The following AKR1B10 variants were observed in gnomAD, a reference collection of about 807,000 sequenced individuals.
AKR1B10 encodes ARP.
AKR1B10 carries 39 observed loss-of-function variants against 38.9 expected under a neutral mutation model. The observed-to-expected ratio is 1.00, with a 90% CI of 0.78 to 1.31. AKR1B10 has a LOEUF of 1.31. Ranked by LOEUF, AKR1B10 falls within the 50% of genes most tolerant of loss-of-function variation. AKR1B10 has a pLI of 0.00. For synonymous variants in AKR1B10, 148 were observed against 141.2 expected, an observed-to-expected ratio of 1.05 and a Z score of -0.34; for missense variants, 361 against 382.6, an observed-to-expected ratio of 0.94 and a Z score of 0.47.
intron 1 of AKR1B10, 115 bp from the exon 2 acceptor site, chr7:134,530,528 C>T (rs986999086): frequency 2.4e-5 from 27 of 1,106,960 alleles, no homozygotes; most frequent in Admixed American, 2.2e-4. Flanking sequence ...TCCAGCTACT[C>T]GGGAGGTGGG....
At chr7:134,535,564 T>A (rs1695723210) in intron 4 of AKR1B10, 2 of 972,006 alleles carry the variant, frequency 2.1e-6, no homozygotes, top group Non-Finnish European at 2.4e-6. Context: ...CATATGCTCA[T>A]GTTTTTTCCC....
intron 6 of AKR1B10, 46 bp downstream of exon 6, chr7:134,537,203 C>T (rs925103837): frequency 6.5e-7 from 1 of 1,549,450 alleles, no homozygotes; most frequent in African/African-American, 1.4e-5. Context: ...ATCTTAAAAA[C>T]ATTATTTTAT....
At chr7:134,528,263 C>T (rs1269466134) in intron 1 of AKR1B10, among the ~76,000 whole-genome samples, 1 of 152,190 alleles carries the variant, frequency 6.6e-6, no homozygotes, top group East Asian at 1.9e-4. Context: ...CTCTCTGGTT[C>T]TAGGACACTT....
At chr7:134,529,109 TCTCTC>T (rs1199081536) in intron 1 of AKR1B10, among the ~76,000 whole-genome samples, 3 of 152,258 alleles carry the variant, frequency 2.0e-5, no homozygotes, top group South Asian at 4.1e-4. Context: ...GAGTTCCTCT[TCTCTC>T]CTGTCCCTCA....
chr7:134,539,146 A>C, intron 9 of AKR1B10, 129 bp downstream of exon 9: 3 of 1,123,658 alleles, frequency 2.7e-6, no homozygotes, highest in Non-Finnish European at 3.9e-6. Context: ...GCAATTTTGA[A>C]AGTTAAAATT....
At position 134,536,750 on chromosome 7, in the gene AKR1B10, A is replaced by G. The variant is rs755403083; in HGVS notation, c.530A>G (p.Lys177Arg). Reference protein sequence around the residue: ...IEKLLNKPGLKYKPVTNQVEC... With the variant: ...IEKLLNKPGLRYKPVTNQVEC... ...AAGCTCTTGAACAAACCTGGACTGA[A>G]ATATAAACCAGTGACTAACCAGGTA... Residue 177 changes from lysine (K) to arginine (R), a missense_variant, in exon 5 of 10, where the codon AAA becomes AGA. Physicochemically the swap from Lys to Arg is conservative, Grantham distance 26 (BLOSUM62 2). Around this residue, in one of 3 missense-constraint regions of AKR1B10, gnomAD observed 220 missense variants for 216.1 expected, o/e 1.02. Transcript: ENST00000359579. 2.5e-6 allele frequency: 4 copies of G among 1,613,888 alleles called. No homozygotes were observed. The highest frequency in any genetic ancestry group is 3.4e-6 in the Non-Finnish European group (4 of 1,179,818).
rs377738905 is a variant in AKR1B10 at position 134,527,641 on chromosome 7, G to A, written c.-271G>A. 38 of 264,856 alleles carry A rather than the reference G, an allele frequency of 1.4e-4. No homozygotes were observed. The highest frequency in any genetic ancestry group is 1.3e-3 in the Admixed American group (31 of 23,770). 16.4% of individuals were successfully genotyped at this position (264,856 alleles called of 1,614,324 possible). On this transcript the variant is annotated 5_prime_UTR_variant, in exon 1 of 10. Coordinates refer to ENST00000359579, the MANE Select transcript of AKR1B10 (RefSeq NM_020299.5). ...AGCACTTTGGAAGGCCGAGGTGGGCGGATCACCTGAGCTCAGGAGTTTGAG... is the reference window on the plus strand; with the variant it reads ...AGCACTTTGGAAGGCCGAGGTGGGCAGATCACCTGAGCTCAGGAGTTTGAG...
intron 1 of AKR1B10, among the ~76,000 whole-genome samples, chr7:134,530,188 G>C (rs946700835): frequency 1.3e-5 from 2 of 152,104 alleles, no homozygotes; most frequent in Admixed American, 1.3e-4. Flanking sequence ...AATCCCTTGG[G>C]GTTATTTAGA....
In AKR1B10 at chr7:134,527,941, A is replaced by T; in HGVS notation, c.30A>T (p.Lys10Asn). 19 of 1,613,882 alleles carry T rather than the reference A, an allele frequency of 1.2e-5. No homozygotes were observed. Among genetic ancestry groups the T allele is most frequent in the Non-Finnish European group, 1.6e-5 (19 of 1,179,932 alleles). The change falls in exon 1 of 10, where the codon AAA becomes AAT. Residue 10 changes from lysine to asparagine, a missense_variant. Physicochemically the swap from Lys to Asn is moderately conservative, Grantham distance 94 (BLOSUM62 0). Coordinates refer to ENST00000359579, the MANE Select transcript of AKR1B10 (RefSeq NM_020299.5). The part of the protein sequence containing the change: MATFVELST[K>N]AKMPIVGLGT... Reference sequence around the variant, plus strand: ...CCACGTTTGTGGAGCTCAGTACCAAAGCCAAGATGCCCATTGTGGGCCTGG... The same window carrying T: ...CCACGTTTGTGGAGCTCAGTACCAATGCCAAGATGCCCATTGTGGGCCTGG...
At position 134,538,193 on chromosome 7, in the gene AKR1B10, G is replaced by T; in HGVS notation, c.742-1G>T. The T allele has an allele frequency of 6.2e-7, 1 of 1,613,986 alleles. No homozygotes were observed. The highest frequency in any genetic ancestry group is 8.5e-7 in the Non-Finnish European group (1 of 1,179,878). ...AAGCCTGATGTCCCCTTTCCGCATA[G>T]GTTCTGATCCGTTTCCATATCCAGA... On this transcript the variant is annotated splice_acceptor_variant, in intron 7 of 9. Transcript: ENST00000359579. LOFTEE classifies it high-confidence loss of function.
At chr7:134,536,793 G>A (rs369172129) in intron 5 of AKR1B10, 21 bp downstream of exon 5, 3 of 1,613,670 alleles carry the variant, frequency 1.9e-6, no homozygotes, top group South Asian at 1.1e-5. Context: ...TTCAGTTTAA[G>A]GGTAAGGGTC....
chr7:134,538,329 G>A (rs763040188), intron 8 of AKR1B10, 52 bp downstream of exon 8: 1 of 1,529,482 alleles, frequency 6.5e-7, no homozygotes, highest in Non-Finnish European at 9.0e-7. Flanking sequence ...TGGGGGACAG[G>A]CAGACCTTCT....
At chr7:134,537,246 A>G in intron 6 of AKR1B10, 89 bp downstream of exon 6, 1 of 1,491,422 alleles carries the variant, frequency 6.7e-7, no homozygotes. Flanking sequence ...TCCATAAGTT[A>G]CTGGAAAGAA....
chr7:134,531,848 G>T, intron 2 of AKR1B10, 60 bp from the exon 3 acceptor site: 1 of 1,587,602 alleles, frequency 6.3e-7, no homozygotes, highest in South Asian at 1.1e-5. Context: ...CAGGGACAAT[G>T]AGTACAATGT....
At chr7:134,529,185 T>A (rs1807781218) in intron 1 of AKR1B10, among the ~76,000 whole-genome samples, 1 of 152,088 alleles carries the variant, frequency 6.6e-6, no homozygotes, top group African/African-American at 2.4e-5. Flanking sequence ...GCACCCTGAT[T>A]TTTCTTCTCT....
chr7:134,529,812 C>A (rs1807801746), intron 1 of AKR1B10, among the ~76,000 whole-genome samples: 2 of 151,682 alleles, frequency 1.3e-5, no homozygotes, highest in Admixed American at 6.6e-5. Flanking sequence ...TCCTTCCCTT[C>A]TTTCTCTCCC....
In AKR1B10 at chr7:134,527,812, C is replaced by T; in HGVS notation, c.-100C>T. 6.4e-7 allele frequency: 1 copy of T among 1,569,684 alleles called. No individual in the cohort carries two copies. Among genetic ancestry groups the T allele is most frequent in the South Asian group, 1.1e-5 (1 of 88,106 alleles). On this transcript the variant is annotated 5_prime_UTR_variant, in exon 1 of 10. Transcript: ENST00000359579. ...AGTGAGCTGAGATCGCACCACTGCA[C>T]TCTAGCCTTGGCAACAGTGCAAGAC...
intron 8 of AKR1B10, 75 bp downstream of exon 8, chr7:134,538,352 C>T (rs1279560895): frequency 2.2e-6 from 3 of 1,379,102 alleles, no homozygotes; most frequent in Non-Finnish European, 3.1e-6. Flanking sequence ...CTAGGCTTCT[C>T]ACCTCATCGC....
chr7:134,538,150 G>T lies in AKR1B10; in HGVS notation c.742-44G>T, dbSNP rs1227141577. On this transcript the variant is annotated intron_variant, in intron 7 of 9. Coordinates refer to ENST00000359579, the MANE Select transcript of AKR1B10 (RefSeq NM_020299.5). Reference sequence around the variant, plus strand: ...ATTCTTCCTTTCCATAAAAGGAGGGGTCTTTGGAGCTGAGTGGAAGCCTGA... The same window carrying T: ...ATTCTTCCTTTCCATAAAAGGAGGGTTCTTTGGAGCTGAGTGGAAGCCTGA... 7 of 1,542,090 alleles carry T rather than the reference G, an allele frequency of 4.5e-6. 1 individual carries two copies. In the South Asian group the frequency reaches 7.8e-5, roughly 17 times the overall value.
Sources: gnomAD v4.1 joint callset for allele counts (sites outside exome capture counted in the v4.1 genomes callset) on GRCh38, gnomAD v4.1.1 for gene constraint, gnomAD v4.1.1 regional missense constraint, MANE v1.5 for transcripts, NCBI Gene and HGNC (gene_info 2026-07-23, HGNC 2026-07-21) for gene names.